Variants in GGA2 observed in about 807,000 individuals in gnomAD.
The protein encoded by GGA2 is golgi associated, gamma adaptin ear containing, ARF binding protein 2.
In GGA2, 48 loss-of-function variants were observed where a neutral mutation model predicts 79.5. That is an observed-to-expected ratio of 0.60 (90% CI 0.48 to 0.77). The LOEUF (loss-of-function observed/expected upper bound fraction) is 0.77. Ranked by LOEUF, GGA2 falls within the 30% of genes least tolerant of loss-of-function variation. The pLI is 0.00. For missense variants in GGA2, 770 were observed against 774.0 expected (o/e 0.99, Z 0.06); for synonymous variants, 317 against 302.0 (o/e 1.05, Z -0.51).
At chr16:23,485,431 T>C (rs1202661263) in intron 8 of GGA2, among the ~76,000 whole-genome samples, 2 of 152,196 alleles carry the variant, frequency 1.3e-5, no homozygotes, top group African/African-American at 2.4e-5. Flanking sequence ...GACTGTAAAA[T>C]GGTGCAATCA....
upstream of GGA2, among the ~76,000 whole-genome samples, chr16:23,513,176 T>C (rs985269330): frequency 7.2e-5 from 11 of 152,274 alleles, no homozygotes; most frequent in East Asian, 2.1e-3. Flanking sequence ...CCTGAAACTT[T>C]ACTTATTTTA....
chr16:23,518,565 G>C (rs2040572), intron 2 of GGA2, among the ~76,000 whole-genome samples: 127,205 of 152,182 alleles, frequency 0.84, 53,298 homozygotes, highest in Middle Eastern at 0.9. Flanking sequence ...TCTGTCCCCA[G>C]CCTTCACTTC....
In GGA2 at chr16:23,510,479, C is replaced by T. The variant is rs1412107465; in HGVS notation, c.-68G>A. Reference sequence around the variant, plus strand: ...TCAGCCGCTGTAGCGTCCTGGCGCTCTCCTCTGCTGACTGCGCGGCAGGAG... The same window carrying T: ...TCAGCCGCTGTAGCGTCCTGGCGCTTTCCTCTGCTGACTGCGCGGCAGGAG... On this transcript the variant is annotated 5_prime_UTR_variant, in exon 1 of 17. Coordinates refer to ENST00000309859, the MANE Select transcript of GGA2 (RefSeq NM_015044.4). The T allele has an allele frequency of 1.7e-6, 1 of 581,246 alleles. No individual in the cohort carries two copies. The highest frequency in any genetic ancestry group is 2.6e-6 in the Non-Finnish European group (1 of 384,988). 36.0% of individuals were successfully genotyped at this position (581,246 alleles called of 1,614,324 possible).
At position 23,491,046 on chromosome 16, in the gene GGA2, T is replaced by G. The variant is rs148816426; in HGVS notation, c.475+631A>C. Among the ~76,000 whole-genome samples, 368 of 151,934 alleles carry G rather than the reference T, an allele frequency of 2.4e-3. 1 individual carries two copies. The highest frequency in any genetic ancestry group is 8.3e-3 in the African/African-American group (344 of 41,446). On this transcript the variant is annotated intron_variant, in intron 5 of 16. Transcript: ENST00000309859. ...CTGTCTCTACAAAAAATACAAATAT[T>G]TGGTGTAAGTGAGACAGCAAGTGAG... is the stretch of plus-strand genomic sequence containing the variant.
chr16:23,480,489 G>C, intron 10 of GGA2, 156 bp downstream of exon 10: 1 of 621,022 alleles, frequency 1.6e-6, no homozygotes, highest in South Asian at 2.4e-5. Context: ...CCTATGGCTG[G>C]GTGTGGCAAC....
upstream of GGA2, chr16:23,510,574 G>T (rs539955137): frequency 1.9e-3 from 740 of 387,472 alleles, 4 homozygotes; most frequent in Middle Eastern, 0.011. Flanking sequence ...ACGCGGGACC[G>T]GCCGGAACAT....
At chr16:23,495,039 C>T (rs922081625) in intron 2 of GGA2, among the ~76,000 whole-genome samples, 2 of 150,652 alleles carry the variant, frequency 1.3e-5, no homozygotes, top group African/African-American at 4.9e-5. Flanking sequence ...GAGCTGAGAT[C>T]GTGCCCTTGC....
At chr16:23,501,467 A>G (rs1428360848) in intron 1 of GGA2, 1 of 424,786 alleles carries the variant, frequency 2.4e-6, no homozygotes, top group East Asian at 7.2e-5. Context: ...TGTTTATGCA[A>G]GATATTACTT....
chr16:23,486,987 T>TTTC (rs1450812809), intron 6 of GGA2, among the ~76,000 whole-genome samples, 197 bp from the exon 7 acceptor site: 3 of 149,398 alleles, frequency 2.0e-5, no homozygotes, highest in African/African-American at 4.9e-5. Context: ...TTCTGTTGTT[T>TTTC]TTTTTTTTTT....
In GGA2 at chr16:23,473,578, T is replaced by A. The variant is rs369621603; in HGVS notation, c.1450+1326A>T. On this transcript the variant is annotated intron_variant, in intron 14 of 16. Coordinates refer to ENST00000309859, the MANE Select transcript of GGA2 (RefSeq NM_015044.4). ...CCTGACCTCAAGTGATCTGCCCACC[T>A]TGGCCTCCCAAAGTGCTGGGATTAC... Among the ~76,000 whole-genome samples, 6 of 152,220 alleles carry A rather than the reference T, an allele frequency of 3.9e-5. No individual in the cohort carries two copies. The East Asian group carries it at 9.7e-4, about 24-fold the overall frequency.
intron 10 of GGA2, 110 bp downstream of exon 10, chr16:23,480,535 G>T: frequency 1.1e-6 from 1 of 918,136 alleles, no homozygotes; most frequent in Non-Finnish European, 1.6e-6. Context: ...CAAAGGGCGA[G>T]TTCTCTCATT....
upstream of GGA2, among the ~76,000 whole-genome samples, chr16:23,513,571 T>A (rs1048071710): frequency 6.6e-6 from 1 of 151,824 alleles, no homozygotes; most frequent in African/African-American, 2.4e-5. Context: ...ATCACTTGGG[T>A]CCAGGTGTTC....
intron 2 of GGA2, among the ~76,000 whole-genome samples, chr16:23,516,011 AT>A (rs34582265): frequency 3.8e-4 from 53 of 141,054 alleles, no homozygotes; most frequent in Non-Finnish European, 2.4e-4. Context: ...CCTCTGACCT[AT>A]TTTTTTTTTT....
intron 5 of GGA2, among the ~76,000 whole-genome samples, chr16:23,489,919 G>T (rs1487892805): frequency 2.9e-5 from 3 of 103,816 alleles, no homozygotes; most frequent in Non-Finnish European, 4.2e-5. Context: ...AGGAGGAGCA[G>T]GAATTATGTC....
chr16:23,476,692 G>A (rs1385662605), intron 13 of GGA2, among the ~76,000 whole-genome samples: 1 of 152,136 alleles, frequency 6.6e-6, no homozygotes, highest in Non-Finnish European at 1.5e-5. Flanking sequence ...ACCACTACAT[G>A]TATACAAAAA....
At chr16:23,501,194 C>T (rs774620848) in intron 1 of GGA2, 23 of 446,270 alleles carry the variant, frequency 5.2e-5, no homozygotes, top group Non-Finnish European at 9.9e-5. Context: ...TTTTTCAAGT[C>T]ATAAAACTAC....
intron 2 of GGA2, among the ~76,000 whole-genome samples, chr16:23,516,351 T>C (rs1330363933): frequency 2.0e-5 from 3 of 152,254 alleles, no homozygotes; most frequent in Non-Finnish European, 2.9e-5. Context: ...TATCTAATAA[T>C]AAATCTCTCT....
rs565178138 is a variant in GGA2, at chr16:23,469,891, T to C, written c.1620+105A>G. The C allele has an allele frequency of 7.7e-5, 63 of 813,048 alleles. No individual in the cohort carries two copies. In the African/African-American group the frequency reaches 1.1e-3, roughly 14 times the overall value. 50.4% of individuals were successfully genotyped at this position (813,048 alleles called of 1,614,324 possible). A position where few individuals can be genotyped will look rare whatever the true frequency, so the allele number is the denominator to read the frequency against. On this transcript the variant is annotated intron_variant, in intron 15 of 16. Coordinates refer to ENST00000309859, the MANE Select transcript of GGA2 (RefSeq NM_015044.4). ...CATTCCCACTTTATCTTCAGTTAGT[T>C]TGAGTGAAGATTCTTTCCTTGACAC... is the stretch of plus-strand genomic sequence containing the variant.
At chr16:23,467,836 G>T in intron 16 of GGA2, 136 bp from the exon 17 acceptor site, 1 of 649,494 alleles carries the variant, frequency 1.5e-6, no homozygotes. Flanking sequence ...CTACAAACAA[G>T]GGGAAACAGG....
Sources: allele counts gnomAD v4.1 joint callset (sites outside exome capture counted in the v4.1 genomes callset), GRCh38; gene constraint gnomAD v4.1.1; transcripts MANE v1.5; gene names NCBI Gene and HGNC (gene_info 2026-07-23, HGNC 2026-07-21).